RGS6: variants seen among roughly 807,000 people sequenced by gnomAD.
RGS6 encodes the protein regulator of G-protein signaling 6.
A neutral mutation model predicts 78.5 loss-of-function variants in RGS6; 30 were observed. The observed-to-expected ratio is 0.38, with a 90% confidence interval of 0.29 to 0.52. The LOEUF (loss-of-function observed/expected upper bound fraction) is 0.52, where lower values mean the gene tolerates loss of function less well. RGS6 is among the 20% of genes least tolerant of loss of function. The pLI, the probability that RGS6 is intolerant of heterozygous loss-of-function variation, is 0.85. For missense variants in RGS6, 495 were observed against 609.7 expected (o/e 0.81, Z 1.98); for synonymous variants, 206 against 206.0 (o/e 1.00, Z 0.00).
intron 2 of RGS6, among the ~76,000 whole-genome samples, chr14:72,179,036 A>G (rs548250366): frequency 6.2e-4 from 95 of 152,332 alleles, no homozygotes; most frequent in Non-Finnish European, 1.2e-3. Flanking sequence ...AAAACTAAGA[A>G]TATCTCAATC....
chr14:71,953,722 TATGA>T lies in RGS6; in HGVS notation c.-20-11047_-20-11044del, dbSNP rs559323586. 3.8e-3 allele frequency among the ~76,000 whole-genome samples: 577 copies of T among 152,294 alleles called. 1 individual carries two copies. Among genetic ancestry groups the T allele is most frequent in the African/African-American group, 0.013 (550 of 41,590 alleles). ...GTCTATTTTTTTCTTTTAGACCAAT[TATGA>T]ATAAGAAAAATACAATATGTTGTTT... is the stretch of plus-strand genomic sequence containing the variant. On this transcript the variant is annotated intron_variant, in intron 1 of 17. Transcript: ENST00000553525.
At chr14:72,180,380 T>C (rs1298865315) in intron 2 of RGS6, among the ~76,000 whole-genome samples, 1 of 152,208 alleles carries the variant, frequency 6.6e-6, no homozygotes, top group Admixed American at 6.5e-5. Flanking sequence ...GTTTGTGTAA[T>C]TGAATAGAAT....
chr14:71,891,784 T>C, the RGS6 span, among the ~76,000 whole-genome samples: 2 of 152,190 alleles, frequency 1.3e-5, no homozygotes, highest in Admixed American at 6.5e-5. Context: ...TGTTAGTATC[T>C]GGATATCCAC....
chr14:72,430,740 G>A (rs953128050), intron 3 of RGS6, among the ~76,000 whole-genome samples: 1 of 152,094 alleles, frequency 6.6e-6, no homozygotes, highest in African/African-American at 2.4e-5. Flanking sequence ...TGAGTAGACA[G>A]ATCCTATGCA....
At chr14:72,018,699 A>G (rs1275625897) in intron 2 of RGS6, among the ~76,000 whole-genome samples, 1 of 152,192 alleles carries the variant, frequency 6.6e-6, no homozygotes, top group African/African-American at 2.4e-5. Context: ...GGCAGAGCCC[A>G]CAGACTTTGC....
At chr14:71,958,263 G>A (rs2092940758) in intron 1 of RGS6, among the ~76,000 whole-genome samples, 2 of 152,150 alleles carry the variant, frequency 1.3e-5, no homozygotes, top group Non-Finnish European at 2.9e-5. Context: ...TGGACATGTT[G>A]GAAAAACTGT....
intron 14 of RGS6, among the ~76,000 whole-genome samples, chr14:72,512,129 T>C (rs896971942): frequency 2.0e-5 from 3 of 152,108 alleles, no homozygotes; most frequent in African/African-American, 7.2e-5. Context: ...CCTGTTCCCC[T>C]TGGGTCTCCA....
chr14:72,470,804 G>A (rs545513070), intron 8 of RGS6, among the ~76,000 whole-genome samples: 4 of 151,680 alleles, frequency 2.6e-5, no homozygotes, highest in South Asian at 4.2e-4. Context: ...GCTTGAACCC[G>A]GGAAGTGGAG....
chr14:72,521,736 C>T (rs550842463), intron 15 of RGS6, among the ~76,000 whole-genome samples: 1 of 152,150 alleles, frequency 6.6e-6, no homozygotes, highest in Admixed American at 6.5e-5. Flanking sequence ...AGCAGAGTGA[C>T]CTTGGACAAG....
chr14:72,219,731 T>G (rs754499833), intron 2 of RGS6, among the ~76,000 whole-genome samples: 3 of 152,216 alleles, frequency 2.0e-5, no homozygotes, highest in Non-Finnish European at 2.9e-5. Context: ...CTTCCTCTTG[T>G]GATTTAAGGT....
chr14:72,176,406 G>A (rs1196750637), intron 2 of RGS6, among the ~76,000 whole-genome samples: 1 of 152,232 alleles, frequency 6.6e-6, no homozygotes, highest in Non-Finnish European at 1.5e-5. Flanking sequence ...CAGACTTGCT[G>A]TGGTGCCTTC....
intron 1 of RGS6, among the ~76,000 whole-genome samples, chr14:71,945,142 C>T (rs1328253780): frequency 6.6e-6 from 1 of 152,190 alleles, no homozygotes; most frequent in African/African-American, 2.4e-5. Context: ...AAAGCCATCT[C>T]AGACCACCCT....
intron 2 of RGS6, among the ~76,000 whole-genome samples, chr14:72,209,853 C>T (rs534859851): frequency 5.1e-4 from 77 of 152,266 alleles, no homozygotes; most frequent in African/African-American, 1.2e-3. Flanking sequence ...TAGTATGGCC[C>T]GGCTCTTTCT....
intron 3 of RGS6, among the ~76,000 whole-genome samples, chr14:72,409,233 G>T (rs2093200136): frequency 6.6e-6 from 1 of 152,274 alleles, no homozygotes; most frequent in East Asian, 1.9e-4. Flanking sequence ...AGCATTAGAG[G>T]ATTCATGAAT....
chr14:72,139,535 T>G (rs1170462318), intron 2 of RGS6, among the ~76,000 whole-genome samples: 1 of 152,176 alleles, frequency 6.6e-6, no homozygotes, highest in Non-Finnish European at 1.5e-5. Flanking sequence ...GCATAATTAT[T>G]TTGGTTTCTG....
rs182776066 is a variant in RGS6, at chr14:72,204,083, C to A, written c.85-148012C>A. Among the ~76,000 whole-genome samples the A allele has an allele frequency of 3.7e-4, 56 of 152,276 alleles. No homozygotes were observed. In the East Asian group the frequency reaches 9.5e-3, roughly 26 times the overall value. On this transcript the variant is annotated intron_variant, in intron 2 of 17. Coordinates refer to ENST00000553525, the MANE Select transcript of RGS6 (RefSeq NM_001204424.2). The stretch of plus-strand genomic sequence containing the variant: ...CAGTGATCTGCCCACCTCGGCCTCC[C>A]AAAGTGCTGGGGTTACAGGCATGAG...
chr14:72,587,109 G>A, the RGS6 span, among the ~76,000 whole-genome samples: 3 of 152,152 alleles, frequency 2.0e-5, no homozygotes, highest in South Asian at 6.2e-4. Flanking sequence ...CTTTGGGTCA[G>A]CCACGTCTCT....
intron 2 of RGS6, among the ~76,000 whole-genome samples, chr14:72,332,343 G>C (rs768003836): frequency 2.6e-5 from 4 of 152,224 alleles, no homozygotes; most frequent in Non-Finnish European, 5.9e-5. Context: ...TGAATGCCAG[G>C]ATTATTGTTG....
intron 4 of RGS6, among the ~76,000 whole-genome samples, chr14:72,456,414 C>G (rs996339814): frequency 2.0e-5 from 3 of 152,194 alleles, no homozygotes; most frequent in Non-Finnish European, 4.4e-5. Flanking sequence ...CTCAGTCTCC[C>G]GAGTAGCTGG....
Sources: gnomAD v4.1 joint callset for allele counts (sites outside exome capture counted in the v4.1 genomes callset) on GRCh38, gnomAD v4.1.1 for gene constraint, MANE v1.5 for transcripts, NCBI Gene and HGNC (gene_info 2026-07-23, HGNC 2026-07-21) for gene names.